Variants in PHKB observed in about 807,000 individuals in gnomAD.
PHKB encodes phosphorylase b kinase regulatory subunit beta.
In PHKB, 122 loss-of-function variants were observed where a neutral mutation model predicts 152.1. The observed-to-expected ratio is 0.80, with a 90% CI of 0.69 to 0.93. The LOEUF (loss-of-function observed/expected upper bound fraction) is 0.93. Among genes scored for constraint, PHKB ranks in the 40% least tolerant of loss-of-function variants. The pLI is 0.00. For missense variants in PHKB, 1,304 were observed against 1,328.4 expected (o/e 0.98, Z 0.29); for synonymous variants, 436 against 464.9 (o/e 0.94, Z 0.80).
At chr16:47,592,898 A>G (rs1191158095) in intron 10 of PHKB, among the ~76,000 whole-genome samples, 1 of 152,150 alleles carries the variant, frequency 6.6e-6, no homozygotes, top group Non-Finnish European at 1.5e-5. Flanking sequence ...GTTCAACTTT[A>G]TTGCTATAAA....
intron 26 of PHKB, among the ~76,000 whole-genome samples, chr16:47,681,259 G>A (rs1054708210): frequency 3.3e-5 from 5 of 151,672 alleles, no homozygotes; most frequent in Admixed American, 6.6e-5. Flanking sequence ...GATTTGGGGT[G>A]GAGAGTTCTG....
chr16:47,547,378 C>T (rs776098805), intron 6 of PHKB, 55 bp from the exon 7 acceptor site: 61 of 1,085,488 alleles, frequency 5.6e-5, no homozygotes, highest in Admixed American at 3.2e-4. Flanking sequence ...CCACCACACC[C>T]GGCCTATGTC....
chr16:47,567,294 T>C (rs1486760218), intron 7 of PHKB, among the ~76,000 whole-genome samples: 3 of 152,060 alleles, frequency 2.0e-5, no homozygotes, highest in Admixed American at 2.0e-4. Context: ...CTTTTTTTTT[T>C]CTTCGCAACT....
chr16:47,588,382 A>G (rs918209947), intron 9 of PHKB, among the ~76,000 whole-genome samples: 2 of 151,496 alleles, frequency 1.3e-5, no homozygotes, highest in South Asian at 2.1e-4. Flanking sequence ...TCTTGACAAC[A>G]TTTGGGTATA....
intron 13 of PHKB, among the ~76,000 whole-genome samples, chr16:47,607,039 C>G (rs1972337972): frequency 6.6e-6 from 1 of 152,162 alleles, no homozygotes; most frequent in South Asian, 2.1e-4. Flanking sequence ...TCTCAGAAAT[C>G]TCTTTTAGAA....
At chr16:47,651,179 A>C (rs1213103355) in intron 20 of PHKB, among the ~76,000 whole-genome samples, 1 of 152,110 alleles carries the variant, frequency 6.6e-6, no homozygotes, top group African/African-American at 2.4e-5. Context: ...TGGTGTAGTG[A>C]CCTGCTTTAT....
At chr16:47,642,840 A>G (rs1403399858) in intron 16 of PHKB, among the ~76,000 whole-genome samples, 2 of 152,176 alleles carry the variant, frequency 1.3e-5, no homozygotes, top group Non-Finnish European at 2.9e-5. Flanking sequence ...AAGGATCCCT[A>G]GAGTAGGTAA....
intron 1 of PHKB, among the ~76,000 whole-genome samples, chr16:47,475,592 T>TA (rs1969854728): frequency 6.6e-6 from 1 of 152,194 alleles, no homozygotes; most frequent in Non-Finnish European, 1.5e-5. Flanking sequence ...CTAGAGAAAA[T>TA]ACACTGTGCA....
intron 7 of PHKB, among the ~76,000 whole-genome samples, chr16:47,567,671 G>T (rs1971592632): frequency 6.6e-6 from 1 of 152,102 alleles, no homozygotes; most frequent in Admixed American, 6.6e-5. Context: ...GTTGGCTGTG[G>T]ATTTGTCTTA....
intron 7 of PHKB, chr16:47,566,967 A>G (rs1971580179): frequency 1.9e-6 from 1 of 515,648 alleles, no homozygotes; most frequent in Non-Finnish European, 3.5e-6. Context: ...TTGTGTGTCT[A>G]TTTTTGTACT....
At chr16:47,683,602 G>C (rs567537681) in intron 26 of PHKB, among the ~76,000 whole-genome samples, 1 of 152,290 alleles carries the variant, frequency 6.6e-6, no homozygotes, top group Admixed American at 6.5e-5. Flanking sequence ...CGTTTTTTAA[G>C]CCCATTGGAA....
intron 29 of PHKB, among the ~76,000 whole-genome samples, chr16:47,697,535 A>T (rs10521163): frequency 0.11 from 17,105 of 152,180 alleles, 2,043 homozygotes; most frequent in African/African-American, 0.3. Flanking sequence ...GCAAAACTTC[A>T]TATTCTCATG....
chr16:47,521,792 A>AT (rs1458148531), intron 6 of PHKB, among the ~76,000 whole-genome samples: 1 of 151,848 alleles, frequency 6.6e-6, no homozygotes, highest in Admixed American at 6.6e-5. Context: ...GATTTTTAAT[A>AT]TTTTTTCTAT....
chr16:47,595,223 T>G (rs995033739), intron 12 of PHKB, among the ~76,000 whole-genome samples: 1 of 152,188 alleles, frequency 6.6e-6, no homozygotes, highest in Non-Finnish European at 1.5e-5. Context: ...TGTACCTCAC[T>G]TCAGGCTTCA....
chr16:47,678,910 C>T (rs369436201), intron 26 of PHKB, among the ~76,000 whole-genome samples: 2 of 152,156 alleles, frequency 1.3e-5, no homozygotes, highest in African/African-American at 2.4e-5. Context: ...TTAGGTCTAA[C>T]ATGTAAGTCT....
At chr16:47,489,019 G>A (rs188495926) in intron 1 of PHKB, among the ~76,000 whole-genome samples, 1 of 152,190 alleles carries the variant, frequency 6.6e-6, no homozygotes, top group African/African-American at 2.4e-5. Flanking sequence ...CATTGAATTT[G>A]TAAATTGCTT....
At chr16:47,478,452 TA>T (rs903101426) in intron 1 of PHKB, among the ~76,000 whole-genome samples, 5 of 151,138 alleles carry the variant, frequency 3.3e-5, no homozygotes, top group African/African-American at 1.2e-4. Context: ...AAGCAGGTTA[TA>T]TATTGCTGTG....
At chr16:47,599,646 A>G (rs1453440310) in intron 13 of PHKB, among the ~76,000 whole-genome samples, 2 of 152,236 alleles carry the variant, frequency 1.3e-5, no homozygotes, top group Admixed American at 1.3e-4. Context: ...AAGAAGAAAT[A>G]CTGCAGAGCT....
At chr16:47,620,307 C>T (rs373344737) in intron 14 of PHKB, among the ~76,000 whole-genome samples, 1 of 152,146 alleles carries the variant, frequency 6.6e-6, no homozygotes. Context: ...GATGTTCTGC[C>T]TAGCAAAATG....
Sources: allele counts gnomAD v4.1 joint callset (sites outside exome capture counted in the v4.1 genomes callset), GRCh38; gene constraint gnomAD v4.1.1; transcripts MANE v1.5; gene names NCBI Gene and HGNC (gene_info 2026-07-23, HGNC 2026-07-21).